The following RBFOX3 variants were observed in gnomAD, a reference collection of about 807,000 sequenced individuals.
The protein encoded by RBFOX3 is RNA binding fox-1 homolog 3.
RBFOX3 carries 17 observed loss-of-function variants against 48.7 expected under a neutral mutation model. The ratio of observed to expected loss-of-function variants is 0.35; its 90% CI spans 0.24 to 0.52. The LOEUF (loss-of-function observed/expected upper bound fraction) is 0.52. Among genes scored for constraint, RBFOX3 ranks in the 20% least tolerant of loss-of-function variants. RBFOX3 has a pLI of 0.94. For missense variants in RBFOX3, 382 were observed against 497.5 expected, an observed-to-expected ratio of 0.77 and a Z score of 2.21; for synonymous variants, 212 against 209.5, an observed-to-expected ratio of 1.01 and a Z score of -0.10.
In RBFOX3 at chr17:79,413,033, T is replaced by C. The variant is rs146040227; in HGVS notation, c.-175+69421A>G. 3.5e-3 allele frequency among the ~76,000 whole-genome samples: 539 copies of C among 152,256 alleles called. 2 individuals carry two copies. Among genetic ancestry groups the C allele is most frequent in the African/African-American group, 0.012 (516 of 41,514 alleles). On this transcript the variant is annotated intron_variant, in intron 2 of 14. Transcript: ENST00000693108. ...CCTGCTTCTGCCCTGTCTCCGTCCA[T>C]CTCTCCTAAGAAGGAAAATTGGGCA...
chr17:79,348,571 CTTTTTTTTT>C (rs71358701), intron 2 of RBFOX3, among the ~76,000 whole-genome samples: 3 of 75,168 alleles, frequency 4.0e-5, no homozygotes, highest in African/African-American at 5.6e-5. Context: ...TTTTCTTTTC[CTTTTTTTTT>C]TTTTTTTTTT....
chr17:79,455,567 A>G (rs1416667104), intron 2 of RBFOX3, among the ~76,000 whole-genome samples: 1 of 152,098 alleles, frequency 6.6e-6, no homozygotes, highest in Non-Finnish European at 1.5e-5. Flanking sequence ...GGGGGAGGCC[A>G]GGCACACGGG....
chr17:79,477,682 G>A lies in RBFOX3; in HGVS notation c.-175+4772C>T, dbSNP rs1342873545. Among the ~76,000 whole-genome samples, 1 of 152,190 alleles carries A rather than the reference G, an allele frequency of 6.6e-6. No individual in the cohort carries two copies. The highest frequency in any genetic ancestry group is 1.5e-5 in the Non-Finnish European group (1 of 68,040). On this transcript the variant is annotated intron_variant, in intron 2 of 14. Coordinates refer to ENST00000693108, the MANE Select transcript of RBFOX3 (RefSeq NM_001350451.2). The surrounding 1 kb of genome is among the most constrained non-coding windows in gnomAD (Gnocchi z 4.8). Reference sequence around the variant, plus strand: ...CATCCTCAGAGCTTGCTCTGGTGGTGAACAAGCAAAGGGGCAGGGTGGCAG... The same window carrying A: ...CATCCTCAGAGCTTGCTCTGGTGGTAAACAAGCAAAGGGGCAGGGTGGCAG...
At chr17:79,109,589 C>T (rs1205562208) in intron 5 of RBFOX3, among the ~76,000 whole-genome samples, 1 of 152,236 alleles carries the variant, frequency 6.6e-6, no homozygotes, top group Non-Finnish European at 1.5e-5. Context: ...TCCAAACATC[C>T]ACCGATCTTT....
chr17:79,143,637 G>A lies in RBFOX3; in HGVS notation c.-33-27889C>T, dbSNP rs959975804. Among the ~76,000 whole-genome samples the A allele has an allele frequency of 6.6e-5, 10 of 152,138 alleles. 1 individual carries two copies. Among genetic ancestry groups the A allele is most frequent in the African/African-American group, 2.4e-4 (10 of 41,442 alleles). On this transcript the variant is annotated intron_variant, in intron 4 of 14. Coordinates refer to ENST00000693108, the MANE Select transcript of RBFOX3 (RefSeq NM_001350451.2). ...TGGCCACAGGTGACCCCCTTCGCTC[G>A]GCACCAACGCCACGTGCAGGAGCTC...
intron 1 of RBFOX3, among the ~76,000 whole-genome samples, chr17:79,565,180 AAAG>A (rs2092409650): frequency 6.6e-6 from 1 of 152,114 alleles, no homozygotes; most frequent in Non-Finnish European, 1.5e-5. Context: ...CCAAAATGTT[AAAG>A]TAGTTATCTC....
chr17:79,445,363 A>T (rs1267327361), intron 2 of RBFOX3, among the ~76,000 whole-genome samples: 3 of 152,138 alleles, frequency 2.0e-5, no homozygotes, highest in Non-Finnish European at 4.4e-5. Flanking sequence ...TTTCTAAATG[A>T]CAGCGGCCTG....
At chr17:79,206,610 C>T (rs1485299162) in intron 4 of RBFOX3, among the ~76,000 whole-genome samples, 2 of 152,202 alleles carry the variant, frequency 1.3e-5, no homozygotes, top group African/African-American at 4.8e-5. Context: ...GACTTTGCTG[C>T]AGCCATCAGC....
At position 79,477,358 on chromosome 17, in the gene RBFOX3, C is replaced by A. The variant is rs1342790874; in HGVS notation, c.-175+5096G>T. On this transcript the variant is annotated intron_variant, in intron 2 of 14. Transcript: ENST00000693108. This position sits in a 1 kb window ranked among gnomAD's most constrained non-coding sequence, Gnocchi z 4.8. ...GATCACGAGGTCAGGAGATCGAGAT[C>A]ATCCTGGCTAACACGGTGAAACCCC... Among the ~76,000 whole-genome samples, 1 of 150,500 alleles carries A rather than the reference C, an allele frequency of 6.6e-6. No homozygotes were observed. The highest frequency in any genetic ancestry group is 1.5e-5 in the Non-Finnish European group (1 of 67,828).
At chr17:79,108,071 A>G (rs757903093) in intron 5 of RBFOX3, among the ~76,000 whole-genome samples, 8 of 152,166 alleles carry the variant, frequency 5.3e-5, no homozygotes, top group Non-Finnish European at 1.2e-4. Context: ...TCATCTCCCA[A>G]ATACACCCTG....
At chr17:79,197,259 T>C (rs1333775178) in intron 4 of RBFOX3, among the ~76,000 whole-genome samples, 1 of 101,924 alleles carries the variant, frequency 9.8e-6, no homozygotes, top group Non-Finnish European at 2.0e-5. Flanking sequence ...CTTCTCTGTG[T>C]CTCCCGCTAC....
At chr17:79,184,333 C>T (rs1170828555) in intron 4 of RBFOX3, among the ~76,000 whole-genome samples, 1 of 152,188 alleles carries the variant, frequency 6.6e-6, no homozygotes, top group Non-Finnish European at 1.5e-5. Flanking sequence ...GCATCCTCCC[C>T]TCCCTGTACC....
chr17:79,632,497 C>T, the RBFOX3 span, among the ~76,000 whole-genome samples: 3 of 152,084 alleles, frequency 2.0e-5, no homozygotes, highest in Non-Finnish European at 4.4e-5. Context: ...CTGACCACTG[C>T]CTGCCTCCGC....
Position 79,096,680 on chromosome 17 carries a change from C to G in RBFOX3, c.909G>C (p.Gln303His). 6.4e-7 allele frequency: 1 copy of G among 1,550,904 alleles called. No individual in the cohort carries two copies. Residue 303 changes from glutamine to histidine, a missense_variant, in exon 12 of 15, where the codon CAG (glutamine) becomes CAC (histidine). Transcript: ENST00000693108. ...SCPFASRVVY[Q>H]DGFYGAEIYG... is the part of the protein sequence containing the mutation. ...AAATCTCAGCACCATAAAATCCATC[C>G]TGATACACGACCCTGGAAGCAAACG...
chr17:79,629,789 T>G, the RBFOX3 span, among the ~76,000 whole-genome samples: 1 of 152,228 alleles, frequency 6.6e-6, no homozygotes, highest in East Asian at 1.9e-4. Context: ...AAATAATTTG[T>G]GCACTCATTA....
At chr17:79,216,311 G>A (rs1469176992) in intron 4 of RBFOX3, among the ~76,000 whole-genome samples, 1 of 152,244 alleles carries the variant, frequency 6.6e-6, no homozygotes, top group Non-Finnish European at 1.5e-5. Context: ...TTGGGACACA[G>A]GGTCCATGTG....
At chr17:79,197,388 CTTTTTT>C (rs72118967) in intron 4 of RBFOX3, among the ~76,000 whole-genome samples, 3 of 112,800 alleles carry the variant, frequency 2.7e-5, no homozygotes, top group Admixed American at 9.4e-5. Flanking sequence ...TTCTTTCTTT[CTTTTTT>C]TTTTTTTTTT....
the RBFOX3 span, among the ~76,000 whole-genome samples, chr17:79,659,471 T>C: frequency 6.6e-6 from 1 of 151,882 alleles, no homozygotes; most frequent in East Asian, 1.9e-4. Flanking sequence ...GGAAAGCACC[T>C]GGCAAGTTCA....
Position 79,307,243 on chromosome 17 carries a change from C to T in RBFOX3, c.-74+481G>A, listed in dbSNP as rs942251966. On this transcript the variant is annotated intron_variant, in intron 3 of 14. Coordinates refer to ENST00000693108, the MANE Select transcript of RBFOX3 (RefSeq NM_001350451.2). ...GGGCAAAGCTTTTTGACACCTGTGCCCGGGACGAGCTCCACCGGGAGATCT... is the reference window on the plus strand; with the variant it reads ...GGGCAAAGCTTTTTGACACCTGTGCTCGGGACGAGCTCCACCGGGAGATCT... Among the ~76,000 whole-genome samples, 6 of 152,348 alleles carry T rather than the reference C, an allele frequency of 3.9e-5. No homozygotes were observed. The South Asian group carries it at 1.2e-3, about 32-fold the overall frequency.
Sources: allele counts gnomAD v4.1 joint callset (sites outside exome capture counted in the v4.1 genomes callset), GRCh38; gene constraint gnomAD v4.1.1; non-coding constraint Gnocchi (gnomAD v3.1); transcripts MANE v1.5; gene names NCBI Gene and HGNC (gene_info 2026-07-23, HGNC 2026-07-21).